PYY: variants seen among roughly 807,000 people sequenced by gnomAD.
PYY encodes the protein peptide tyrosine tyrosine.
Under a neutral mutation model 10.3 loss-of-function variants are expected in PYY, and 12 were observed. The observed-to-expected ratio is 1.17, with a 90% CI of 0.75 to 1.89. The LOEUF is 1.89. Among genes scored for constraint, PYY ranks in the 40% most tolerant of loss-of-function variants. The pLI, the probability that PYY is intolerant of heterozygous loss-of-function variation, is 0.00. For synonymous variants in PYY, 66 were observed against 62.0 expected (o/e 1.06, Z -0.30); for missense variants, 141 against 134.0 (o/e 1.05, Z -0.26).
chr17:43,953,042 T>C (rs2048642420), intron 3 of PYY, 62 bp from the exon 4 acceptor site: 2 of 1,590,614 alleles, frequency 1.3e-6, no homozygotes, highest in Non-Finnish European at 8.6e-7. Flanking sequence ...CGTCGTTAAG[T>C]GATGTTGCCA....
At position 43,953,704 on chromosome 17, in the gene PYY, C is replaced by A. The variant is rs73986643; in HGVS notation, c.-1+146G>T. The A allele has an allele frequency of 5.0e-3, 2,066 of 413,352 alleles. 34 individuals are homozygous for A. Among genetic ancestry groups the A allele is most frequent in the African/African-American group, 0.038 (1,824 of 48,502 alleles). The allele number at this position is 413,352 out of a possible 1,614,324, so 25.6% of individuals were successfully genotyped here. A position where few individuals can be genotyped will look rare whatever the true frequency, so the allele number is the denominator to read the frequency against. ...TAAGCCCTGCCTGCCTCCCCACCCC[C>A]ACCCCCGCTGCTGGCCTCCTTCCCA... is the stretch of plus-strand genomic sequence containing the variant. On this transcript the variant is annotated intron_variant, in intron 1 of 3. Transcript: ENST00000692052.
At chr17:44,002,698 C>T (rs540998663) in intron 1 of PYY, among the ~76,000 whole-genome samples, 2 of 152,242 alleles carry the variant, frequency 1.3e-5, no homozygotes, top group African/African-American at 2.4e-5. Flanking sequence ...ACCAGCTCCA[C>T]GGCTTGTGAG....
chr17:43,964,161 A>C (rs1187288507), intron 2 of PYY, among the ~76,000 whole-genome samples: 1 of 152,218 alleles, frequency 6.6e-6, no homozygotes, highest in Non-Finnish European at 1.5e-5. Flanking sequence ...GCATACCACC[A>C]CATCTAGCTA....
intron 1 of PYY, among the ~76,000 whole-genome samples, chr17:43,999,550 TA>T (rs2143968047): frequency 6.6e-6 from 1 of 152,034 alleles, no homozygotes; most frequent in South Asian, 2.1e-4. Flanking sequence ...GCAGATCACC[TA>T]AGTTCAGGAG....
upstream of PYY, among the ~76,000 whole-genome samples, chr17:43,955,555 C>G (rs2143889450): frequency 6.6e-6 from 1 of 152,192 alleles, no homozygotes; most frequent in East Asian, 1.9e-4. Context: ...GAAGAGGACA[C>G]CAGGACAAGG....
At chr17:43,981,663 T>C (rs1367828371) in intron 1 of PYY, among the ~76,000 whole-genome samples, 1 of 152,148 alleles carries the variant, frequency 6.6e-6, no homozygotes, top group African/African-American at 2.4e-5. Context: ...CTAATTTTTG[T>C]ATTTTTAGTA....
intron 1 of PYY, among the ~76,000 whole-genome samples, chr17:43,968,471 A>C (rs1224883079): frequency 6.6e-6 from 1 of 152,200 alleles, no homozygotes; most frequent in South Asian, 2.1e-4. Context: ...AGAAAAAAAA[A>C]CTACAGATCA....
chr17:43,996,660 T>C (rs1051792885), intron 1 of PYY, among the ~76,000 whole-genome samples: 1 of 152,082 alleles, frequency 6.6e-6, no homozygotes, highest in Middle Eastern at 3.4e-3. Flanking sequence ...TACTTTATGC[T>C]GGGTTTTTTT....
At chr17:43,957,735 G>A (rs1159072630), upstream of PYY, among the ~76,000 whole-genome samples, 4 of 152,142 alleles carry the variant, frequency 2.6e-5, no homozygotes, top group African/African-American at 4.8e-5. Flanking sequence ...AATCAGAGCC[G>A]GGTGTAGTGG....
chr17:43,992,969 T>C (rs753946271), intron 1 of PYY, among the ~76,000 whole-genome samples: 29 of 152,152 alleles, frequency 1.9e-4, no homozygotes, highest in Non-Finnish European at 3.7e-4. Context: ...AAGCCACCAA[T>C]TTGTGGTGCT....
intron 1 of PYY, among the ~76,000 whole-genome samples, chr17:43,982,097 C>T (rs191063077): frequency 3.4e-3 from 512 of 152,272 alleles, no homozygotes; most frequent in Non-Finnish European, 4.5e-3. Flanking sequence ...CTTAGCTCTG[C>T]GCAGCTCTGC....
intron 2 of PYY, among the ~76,000 whole-genome samples, chr17:43,961,930 T>C (rs2048715267): frequency 6.6e-6 from 1 of 152,170 alleles, no homozygotes; most frequent in Non-Finnish European, 1.5e-5. Context: ...CACCTCAGCA[T>C]GCATCCTCCT....
At position 43,987,120 on chromosome 17, in the gene PYY, C is replaced by A. The variant is rs1487606259; in HGVS notation, c.-463+17271G>T. On this transcript the variant is annotated intron_variant, in intron 1 of 6. Transcript: ENST00000360085. This position sits in a 1 kb window ranked among gnomAD's most constrained non-coding sequence, Gnocchi z 4.0. ...TCCACCCCTCCTCTGGTGGTCAGCA[C>A]AGACATGGTGACCGTGGCCCTGAAA... 6.6e-6 allele frequency among the ~76,000 whole-genome samples: 1 copy of A among 152,174 alleles called. No homozygotes were observed. Among genetic ancestry groups the A allele is most frequent in the Non-Finnish European group, 1.5e-5 (1 of 68,030 alleles).
chr17:43,963,563 A>C (rs1282565549), intron 2 of PYY, among the ~76,000 whole-genome samples: 1 of 139,930 alleles, frequency 7.1e-6, no homozygotes, highest in East Asian at 2.2e-4. Context: ...GAAGGAAGGA[A>C]GGAAGGAAAA....
intron 1 of PYY, among the ~76,000 whole-genome samples, chr17:43,994,316 C>A (rs1231558465): frequency 6.6e-6 from 1 of 152,058 alleles, no homozygotes; most frequent in Non-Finnish European, 1.5e-5. Flanking sequence ...AACCCTGCAG[C>A]GGCTCCCCAG....
At chr17:43,988,731 C>G (rs1264450647) in intron 1 of PYY, among the ~76,000 whole-genome samples, 2 of 150,706 alleles carry the variant, frequency 1.3e-5, no homozygotes, top group East Asian at 4.0e-4. Flanking sequence ...TTTTCTGGTT[C>G]TCTAGCTTTT....
At position 43,985,272 on chromosome 17, in the gene PYY, G is replaced by A. The variant is rs192428042; in HGVS notation, c.-462-18740C>T. On this transcript the variant is annotated intron_variant, in intron 1 of 6. Transcript: ENST00000360085. ...GTCACCCAAGCTGAAGTGCAGTGGC[G>A]TGATCATAGCTCATTGCAACCTCAA... Among the ~76,000 whole-genome samples, 484 of 152,154 alleles carry A rather than the reference G, an allele frequency of 3.2e-3. 1 individual carries two copies. Among genetic ancestry groups the A allele is most frequent in the African/African-American group, 9.8e-3 (407 of 41,532 alleles).
chr17:43,983,622 C>A (rs2048896923), intron 1 of PYY, among the ~76,000 whole-genome samples: 1 of 152,216 alleles, frequency 6.6e-6, no homozygotes, highest in Non-Finnish European at 1.5e-5. Context: ...ATAGGCATAG[C>A]CCCTCAGATA....
At chr17:43,969,355 A>ATT (rs2048774382) in intron 1 of PYY, among the ~76,000 whole-genome samples, 1 of 151,710 alleles carries the variant, frequency 6.6e-6, no homozygotes, top group Non-Finnish European at 1.5e-5. Flanking sequence ...GTCTCTACTA[A>ATT]AAATACAAAA....
Sources: gnomAD v4.1 joint callset for allele counts (sites outside exome capture counted in the v4.1 genomes callset) on GRCh38, gnomAD v4.1.1 for gene constraint, Gnocchi (gnomAD v3.1) non-coding constraint, MANE v1.5 for transcripts, NCBI Gene and HGNC (gene_info 2026-07-23, HGNC 2026-07-21) for gene names.